Variants in B4GALNT2 observed in about 807,000 individuals in gnomAD.
B4GALNT2 encodes the protein beta-1,4-N-acetyl-galactosaminyltransferase 2 (SID blood group).
In B4GALNT2, 42 loss-of-function variants were observed where a neutral mutation model predicts 51.1. The ratio of observed to expected loss-of-function variants is 0.82; its 90% CI spans 0.64 to 1.06. The LOEUF is 1.06. B4GALNT2 is among the 50% of genes least tolerant of loss of function. B4GALNT2 has a pLI of 0.00. For missense variants in B4GALNT2, 602 were observed against 633.6 expected (o/e 0.95, Z 0.54); for synonymous variants, 253 against 251.7 (o/e 1.01, Z -0.05).
Position 49,141,231 on chromosome 17 carries a change from T to A in B4GALNT2, c.15-16T>A. 1 of 1,608,712 alleles carries A rather than the reference T, an allele frequency of 6.2e-7. No individual in the cohort carries two copies. The highest frequency in any genetic ancestry group is 8.5e-7 in the Non-Finnish European group (1 of 1,175,004). ...AAAAAGATTTTAACATAATCTGTTC[T>A]TTTGTGTCCCAACAGCTCGAGATTT... On this transcript the variant is annotated splice_polypyrimidine_tract_variant and intron_variant, in intron 1 of 10. Transcript: ENST00000393354.
At chr17:49,140,053 T>C (rs1305290325) in intron 1 of B4GALNT2, among the ~76,000 whole-genome samples, 2 of 148,572 alleles carry the variant, frequency 1.3e-5, no homozygotes, top group African/African-American at 4.9e-5. Context: ...ATAAATATAA[T>C]ATAATATAAT....
chr17:49,125,346 G>C, the B4GALNT2 span, among the ~76,000 whole-genome samples: 3 of 152,084 alleles, frequency 2.0e-5, no homozygotes, highest in Non-Finnish European at 2.9e-5. Flanking sequence ...TTTTAATAGA[G>C]ACGGGGTTTC....
At chr17:49,169,081 C>G (rs2042937677) in intron 10 of B4GALNT2, among the ~76,000 whole-genome samples, 181 bp downstream of exon 10, 1 of 152,140 alleles carries the variant, frequency 6.6e-6, no homozygotes, top group Non-Finnish European at 1.5e-5. Context: ...TACCTCCCTC[C>G]TCACGTCTCT....
At chr17:49,129,002 C>T (rs985459295), upstream of B4GALNT2, among the ~76,000 whole-genome samples, 3 of 152,148 alleles carry the variant, frequency 2.0e-5, no homozygotes, top group Admixed American at 6.5e-5. Flanking sequence ...TAGCTTAGTC[C>T]CACTGGTTCT....
intron 7 of B4GALNT2, among the ~76,000 whole-genome samples, chr17:49,161,852 G>A (rs376687766): frequency 3.5e-4 from 52 of 150,166 alleles, no homozygotes; most frequent in East Asian, 2.3e-3. Context: ...GCAAGACTCC[G>A]TCTCAAAAAC....
At chr17:49,121,796 GCA>G in the B4GALNT2 span, among the ~76,000 whole-genome samples, 2 of 152,200 alleles carry the variant, frequency 1.3e-5, no homozygotes, top group Admixed American at 6.5e-5. Context: ...GCAGTGTGAT[GCA>G]CACAGGCTGG....
At chr17:49,148,645 C>T (rs1051949621) in intron 3 of B4GALNT2, 8 of 555,326 alleles carry the variant, frequency 1.4e-5, no homozygotes, top group Admixed American at 6.9e-5. Context: ...ACAAAGCCTC[C>T]GGACTTGAGA....
Position 49,163,756 on chromosome 17 carries a change from CAAAAAA to C in B4GALNT2, c.767-315_767-310del, listed in dbSNP as rs10589274. On this transcript the variant is annotated intron_variant, in intron 7 of 10. Transcript: ENST00000393354. Reference sequence around the variant, plus strand: ...GGGCAACAGAGGCAAAACTCCGTATCAAAAAAAAAAAAAAAAAAAAAAGGAAGAAAG... The same window carrying C: ...GGGCAACAGAGGCAAAACTCCGTATCAAAAAAAAAAAAAAAAGGAAGAAAG... Among the ~76,000 whole-genome samples the C allele has an allele frequency of 3.1e-3, 286 of 91,132 alleles. 1 individual carries two copies. The highest frequency in any genetic ancestry group is 0.011 in the African/African-American group (263 of 22,922). The allele number at this position is 91,132 out of a possible 152,430, so 59.8% of individuals were successfully genotyped here.
At chr17:49,133,678 C>T (rs575921455) in intron 1 of B4GALNT2, among the ~76,000 whole-genome samples, 3 of 152,130 alleles carry the variant, frequency 2.0e-5, no homozygotes, top group East Asian at 3.9e-4. Flanking sequence ...TTTGGGAGGC[C>T]GAGGTGGGCG....
intron 7 of B4GALNT2, among the ~76,000 whole-genome samples, chr17:49,162,167 A>C (rs1456070222): frequency 6.6e-6 from 1 of 151,778 alleles, no homozygotes; most frequent in Non-Finnish European, 1.5e-5. Context: ...AAATTAGCAA[A>C]TTTTAATAAG....
chr17:49,137,450 C>T lies in B4GALNT2; in HGVS notation c.15-3797C>T, dbSNP rs113736323. Among the ~76,000 whole-genome samples, 105 of 152,260 alleles carry T rather than the reference C, an allele frequency of 6.9e-4. 2 individuals are homozygous for T. The highest frequency in any genetic ancestry group is 2.4e-3 in the African/African-American group (100 of 41,532). ...ATGCACTCACTTGTTTTTCCACCTT[C>T]CACCATGGGATGATGCAGCAAGAAG... On this transcript the variant is annotated intron_variant, in intron 1 of 10. Coordinates refer to ENST00000393354, the MANE Select transcript of B4GALNT2 (RefSeq NM_001159387.2).
chr17:49,141,458 G>T lies in B4GALNT2; in HGVS notation c.215+11G>T. 6.2e-7 allele frequency: 1 copy of T among 1,612,736 alleles called. No individual in the cohort carries two copies. On this transcript the variant is annotated intron_variant, in intron 2 of 10. Transcript: ENST00000393354. The stretch of plus-strand genomic sequence containing the variant: ...CTACGATGGAATCTGGTGAGAGACT[G>T]CGTGTTCTTTCTTTCACCTTAATGC...
chr17:49,142,195 T>C (rs2042651449), intron 3 of B4GALNT2, 23 bp downstream of exon 3: 9 of 1,613,548 alleles, frequency 5.6e-6, no homozygotes, highest in African/African-American at 1.3e-5. Context: ...ATGAAGGCCC[T>C]TGGGTTCTGA....
Position 49,173,613 on chromosome 17 carries a change from T to C in B4GALNT2, c.*3885T>C, listed in dbSNP as rs536157823. 1 of 152,364 alleles carries C rather than the reference T, an allele frequency of 6.6e-6. No individual in the cohort carries two copies. Among genetic ancestry groups the C allele is most frequent in the South Asian group, 2.1e-4 (1 of 4,832 alleles). 9.4% of individuals were successfully genotyped at this position (152,364 alleles called of 1,614,324 possible). A position where few individuals can be genotyped will look rare whatever the true frequency, so the allele number is the denominator to read the frequency against. Reference sequence around the variant, plus strand: ...TAAGACTATTTATAAAAGCTTGCTCTATTTGTGCCTTCATGAGAAGGACAA... The same window carrying C: ...TAAGACTATTTATAAAAGCTTGCTCCATTTGTGCCTTCATGAGAAGGACAA... On this transcript the variant is annotated 3_prime_UTR_variant, in exon 11 of 11. Transcript: ENST00000393354.
intron 8 of B4GALNT2, 27 bp downstream of exon 8, chr17:49,164,302 C>G (rs567591182): frequency 6.3e-7 from 1 of 1,589,162 alleles, no homozygotes; most frequent in Non-Finnish European, 8.6e-7. Context: ...TTGGGTGGCA[C>G]CTGCATTCCA....
Position 49,169,741 on chromosome 17 carries a change from A to C in B4GALNT2, c.*13A>C. On this transcript the variant is annotated 3_prime_UTR_variant, in exon 11 of 11. Transcript: ENST00000393354. ...ATGTGCCGCATAAAGGTGTGAGGGC[A>C]TAGGAGAAACACTAGGCTGGCTGGT... is the stretch of plus-strand genomic sequence containing the variant. 2.6e-6 allele frequency: 4 copies of C among 1,542,096 alleles called. No homozygotes were observed. Among genetic ancestry groups the C allele is most frequent in the Non-Finnish European group, 3.5e-6 (4 of 1,140,922 alleles).
intron 4 of B4GALNT2, among the ~76,000 whole-genome samples, chr17:49,155,836 G>A (rs918718822): frequency 2.6e-5 from 4 of 151,336 alleles, no homozygotes; most frequent in Non-Finnish European, 4.4e-5. Context: ...CCATTCTCCC[G>A]CTCAGCCTCC....
chr17:49,156,386 C>T (rs1005715236), intron 4 of B4GALNT2, among the ~76,000 whole-genome samples, 180 bp from the exon 5 acceptor site: 2 of 152,200 alleles, frequency 1.3e-5, no homozygotes, highest in South Asian at 2.1e-4. Flanking sequence ...AGAAAGACCA[C>T]GAAACACCAC....
At position 49,173,634 on chromosome 17, in the gene B4GALNT2, G is replaced by A. The variant is rs944267477; in HGVS notation, c.*3906G>A. On this transcript the variant is annotated 3_prime_UTR_variant, in exon 11 of 11. Transcript: ENST00000393354. ...GCTCTATTTGTGCCTTCATGAGAAG[G>A]ACAATAATTTTTCCAGGACCATATC... 29 of 152,136 alleles carry A rather than the reference G, an allele frequency of 1.9e-4. No individual in the cohort carries two copies. Among genetic ancestry groups the A allele is most frequent in the African/African-American group, 7.0e-4 (29 of 41,430 alleles). 9.4% of individuals were successfully genotyped at this position (152,136 alleles called of 1,614,324 possible). A position where few individuals can be genotyped will look rare whatever the true frequency, so the allele number is the denominator to read the frequency against.
Sources: gnomAD v4.1 joint callset for allele counts (sites outside exome capture counted in the v4.1 genomes callset) on GRCh38, gnomAD v4.1.1 for gene constraint, MANE v1.5 for transcripts, NCBI Gene and HGNC (gene_info 2026-07-23, HGNC 2026-07-21) for gene names.